RBM47: variants seen among roughly 807,000 people sequenced by gnomAD.
RBM47 encodes the protein RNA-binding protein 47.
A neutral mutation model predicts 47.1 loss-of-function variants in RBM47; 21 were observed. That is an observed-to-expected ratio of 0.45 (90% confidence interval 0.32 to 0.64). The LOEUF (loss-of-function observed/expected upper bound fraction) is 0.64, where lower values mean the gene tolerates loss of function less well. Ranked by LOEUF, RBM47 falls within the 30% of genes least tolerant of loss-of-function variation. The pLI, the probability that RBM47 is intolerant of heterozygous loss-of-function variation, is 0.05. For synonymous variants in RBM47, 375 were observed against 361.7 expected (o/e 1.04, Z -0.42); for missense variants, 708 against 870.9 (o/e 0.81, Z 2.35).
chr4:40,470,639 C>A (rs1216923699), intron 2 of RBM47, among the ~76,000 whole-genome samples: 1 of 152,140 alleles, frequency 6.6e-6, no homozygotes, highest in Non-Finnish European at 1.5e-5. Context: ...CAAGTCATGT[C>A]CTGTTCTACT....
chr4:40,569,312 G>A (rs1012813331), intron 1 of RBM47, among the ~76,000 whole-genome samples: 10 of 151,844 alleles, frequency 6.6e-5, no homozygotes, highest in African/African-American at 1.5e-4. Flanking sequence ...CTAGCAGGCC[G>A]ACAACTGCCT....
chr4:40,464,684 G>T (rs1217387565), intron 3 of RBM47, among the ~76,000 whole-genome samples: 1 of 151,678 alleles, frequency 6.6e-6, no homozygotes, highest in Non-Finnish European at 1.5e-5. Flanking sequence ...AGGATCACGA[G>T]GTCAGGAGAT....
intron 2 of RBM47, among the ~76,000 whole-genome samples, chr4:40,467,537 C>T (rs1183993577): frequency 1.3e-5 from 2 of 152,110 alleles, no homozygotes; most frequent in South Asian, 2.1e-4. Context: ...GTGATCCACC[C>T]GACTCAGCCT....
chr4:40,462,864 G>A (rs1047354850), intron 3 of RBM47, among the ~76,000 whole-genome samples: 4 of 152,064 alleles, frequency 2.6e-5, no homozygotes, highest in Admixed American at 2.0e-4. Flanking sequence ...GAAAATACAG[G>A]GGCAAACTTT....
intron 3 of RBM47, among the ~76,000 whole-genome samples, chr4:40,444,422 TAA>T (rs528494437): frequency 3.6e-5 from 5 of 139,922 alleles, no homozygotes; most frequent in Admixed American, 1.4e-4. Context: ...ACCCTATCCT[TAA>T]AAAAAAAAAA....
intron 2 of RBM47, among the ~76,000 whole-genome samples, chr4:40,531,731 T>C (rs1727408579): frequency 6.6e-6 from 1 of 152,202 alleles, no homozygotes; most frequent in South Asian, 2.1e-4. Flanking sequence ...AAATCAGATG[T>C]CTACCAACCA....
intron 1 of RBM47, among the ~76,000 whole-genome samples, chr4:40,597,597 T>C (rs529077031): frequency 3.9e-5 from 6 of 152,302 alleles, no homozygotes; most frequent in African/African-American, 1.2e-4. Flanking sequence ...AATAAATGAA[T>C]AAATATTTAT....
intron 3 of RBM47, among the ~76,000 whole-genome samples, chr4:40,451,806 A>G (rs1715486770): frequency 6.6e-6 from 1 of 152,194 alleles, no homozygotes; most frequent in Non-Finnish European, 1.5e-5. Flanking sequence ...AGGCTGTGCT[A>G]GATGCTTGGG....
chr4:40,486,426 T>C (rs1309183544), intron 2 of RBM47, among the ~76,000 whole-genome samples: 4 of 152,196 alleles, frequency 2.6e-5, no homozygotes, highest in African/African-American at 4.8e-5. Context: ...TGAAAATAGT[T>C]CAACTCTATT....
chr4:40,598,430 T>C (rs1266009265), intron 1 of RBM47, among the ~76,000 whole-genome samples: 2 of 152,054 alleles, frequency 1.3e-5, no homozygotes, highest in East Asian at 1.9e-4. Context: ...TATTGTTTTG[T>C]AGAGAGAGGG....
chr4:40,447,782 G>A (rs533688804), intron 3 of RBM47, among the ~76,000 whole-genome samples: 2 of 152,212 alleles, frequency 1.3e-5, no homozygotes, highest in South Asian at 2.1e-4. Flanking sequence ...AGGCTGAGGC[G>A]GGTGGATCAC....
chr4:40,522,818 A>G (rs1359345632), intron 2 of RBM47, among the ~76,000 whole-genome samples: 1 of 152,152 alleles, frequency 6.6e-6, no homozygotes, highest in Non-Finnish European at 1.5e-5. Context: ...ATTATTTTTC[A>G]TGAAAACATT....
chr4:40,589,731 G>A (rs1254659541), intron 1 of RBM47, among the ~76,000 whole-genome samples: 3 of 152,300 alleles, frequency 2.0e-5, no homozygotes, highest in South Asian at 2.1e-4. Flanking sequence ...AAGCCACCGC[G>A]CCCAGTCTGA....
rs188291412 is a variant in RBM47, at chr4:40,541,210, G to A, written c.-155+3212C>T. Among the ~76,000 whole-genome samples the A allele has an allele frequency of 4.7e-5, 7 of 150,096 alleles. No individual in the cohort carries two copies. The East Asian group carries it at 7.8e-4, about 17-fold the overall frequency. ...GAGCCCAGGAGTTCGAGGCTGCAGTGAGCCCTGATTGCACCACTGCATTCC... is the reference window on the plus strand; with the variant it reads ...GAGCCCAGGAGTTCGAGGCTGCAGTAAGCCCTGATTGCACCACTGCATTCC... On this transcript the variant is annotated intron_variant, in intron 2 of 6. Coordinates refer to ENST00000295971, the MANE Select transcript of RBM47 (RefSeq NM_001098634.2).
At chr4:40,489,818 C>T (rs1421717891) in intron 2 of RBM47, among the ~76,000 whole-genome samples, 1 of 152,072 alleles carries the variant, frequency 6.6e-6, no homozygotes, top group Admixed American at 6.6e-5. Context: ...CCACTGAGGC[C>T]AGTATTACAT....
chr4:40,506,402 C>A (rs1157418061), intron 2 of RBM47, among the ~76,000 whole-genome samples: 2 of 152,218 alleles, frequency 1.3e-5, no homozygotes, highest in Non-Finnish European at 2.9e-5. Flanking sequence ...AAACTGAGAT[C>A]TCCTAGACAC....
At chr4:40,508,851 C>A (rs61520792) in intron 2 of RBM47, among the ~76,000 whole-genome samples, 3,859 of 152,240 alleles carry the variant, frequency 0.025, 147 homozygotes, top group African/African-American at 0.079. Flanking sequence ...TTATACACTT[C>A]AATGAATATT....
At chr4:40,462,104 G>A (rs771909532) in intron 3 of RBM47, among the ~76,000 whole-genome samples, 1 of 152,144 alleles carries the variant, frequency 6.6e-6, no homozygotes, top group Admixed American at 6.5e-5. Flanking sequence ...CTCCAAGCCC[G>A]TCAGAGAACA....
intron 3 of RBM47, among the ~76,000 whole-genome samples, chr4:40,463,561 T>C (rs2154229663): frequency 6.6e-6 from 1 of 152,158 alleles, no homozygotes; most frequent in Admixed American, 6.5e-5. Context: ...GTGGTAATAA[T>C]AAATATTCAG....
Sources: gnomAD v4.1 joint callset for allele counts (sites outside exome capture counted in the v4.1 genomes callset) on GRCh38, gnomAD v4.1.1 for gene constraint, MANE v1.5 for transcripts, NCBI Gene and HGNC (gene_info 2026-07-23, HGNC 2026-07-21) for gene names.